The following PTPN13 variants were observed in gnomAD, a reference collection of about 807,000 sequenced individuals.
PTPN13 encodes tyrosine-protein phosphatase non-receptor type 13.
Under a neutral mutation model 284.0 loss-of-function variants are expected in PTPN13, and 191 were observed. The ratio of observed to expected loss-of-function variants is 0.67; its 90% CI spans 0.60 to 0.76. PTPN13 has a LOEUF of 0.76. Among genes scored for constraint, PTPN13 ranks in the 30% least tolerant of loss-of-function variants. PTPN13 has a pLI of 0.00. For missense variants in PTPN13, 2,797 were observed against 2,939.9 expected (o/e 0.95, Z 1.12); for synonymous variants, 986 against 1,022.3 (o/e 0.96, Z 0.68).
intron 7 of PTPN13, among the ~76,000 whole-genome samples, chr4:86,711,098 C>CTTTTTTTTTTTTTTTTTTTTTTTTTTTT (rs58186398): frequency 1.0e-5 from 1 of 97,108 alleles, no homozygotes; most frequent in Non-Finnish European, 2.0e-5. Context: ...TAATTATTGC[C>CTTTTTTTTTTTTTTTTTTTTTTTTTTTT]TTTTTTTTTT....
Position 86,758,254 on chromosome 4 carries a change from C to T in PTPN13, c.3224-6C>T. ...TATTTATTTTTAAATTATAAATTCC[C>T]AATAGATGTGCTACACAAAAGATGG... is the stretch of plus-strand genomic sequence containing the variant. On this transcript the variant is annotated splice_polypyrimidine_tract_variant and splice_region_variant and intron_variant, in intron 20 of 47. Transcript: ENST00000411767. 6.3e-7 allele frequency: 1 copy of T among 1,582,986 alleles called. No individual in the cohort carries two copies. The highest frequency in any genetic ancestry group is 8.6e-7 in the Non-Finnish European group (1 of 1,156,548).
chr4:86,607,148 T>A (rs1249385919), intron 1 of PTPN13, among the ~76,000 whole-genome samples: 1 of 151,884 alleles, frequency 6.6e-6, no homozygotes, highest in African/African-American at 2.4e-5. Flanking sequence ...AAACTGTTAA[T>A]CTTTTTTTTA....
Position 86,689,208 on chromosome 4 carries a change from T to C in PTPN13, c.546+18T>C. On this transcript the variant is annotated intron_variant, in intron 5 of 47. Coordinates refer to ENST00000411767, the MANE Select transcript of PTPN13 (RefSeq NM_080683.3). Reference sequence around the variant, plus strand: ...TTTCTGGGGTAAGCTACAGTTACAATAGTAAATATAGTCATATTTTAAAAT... The same window carrying C: ...TTTCTGGGGTAAGCTACAGTTACAACAGTAAATATAGTCATATTTTAAAAT... The C allele has an allele frequency of 6.3e-7, 1 of 1,589,572 alleles. No individual in the cohort carries two copies. The highest frequency in any genetic ancestry group is 2.2e-5 in the East Asian group (1 of 44,668).
In PTPN13 at chr4:86,634,237, T is replaced by C. The variant is rs193043565; in HGVS notation, c.-5-1015T>C. Reference sequence around the variant, plus strand: ...TTGGCTTCTTTTCCAAATCTGCTTCTCCCTTACAGTAGAAATATACTATAT... The same window carrying C: ...TTGGCTTCTTTTCCAAATCTGCTTCCCCCTTACAGTAGAAATATACTATAT... On this transcript the variant is annotated intron_variant, in intron 1 of 47. Coordinates refer to ENST00000411767, the MANE Select transcript of PTPN13 (RefSeq NM_080683.3). Among the ~76,000 whole-genome samples the C allele has an allele frequency of 6.1e-4, 93 of 152,282 alleles. 1 individual carries two copies. Among genetic ancestry groups the C allele is most frequent in the African/African-American group, 2.1e-3 (88 of 41,574 alleles).
chr4:86,611,052 T>A (rs74366694), intron 1 of PTPN13, among the ~76,000 whole-genome samples: 7,072 of 152,304 alleles, frequency 0.046, 222 homozygotes, highest in African/African-American at 0.06. Context: ...TAGAAAAATT[T>A]TATTCTGATC....
chr4:86,781,788 C>A (rs1741329304), intron 36 of PTPN13, among the ~76,000 whole-genome samples: 2 of 152,040 alleles, frequency 1.3e-5, no homozygotes, highest in Non-Finnish European at 2.9e-5. Flanking sequence ...CATGGTGAAA[C>A]CCCGTCTCTA....
chr4:86,657,348 C>T (rs1018030697), intron 2 of PTPN13, among the ~76,000 whole-genome samples: 5 of 152,176 alleles, frequency 3.3e-5, no homozygotes, highest in Admixed American at 1.3e-4. Context: ...TGTTCCTATT[C>T]GGCCATCTTG....
chr4:86,612,115 A>G (rs1425221643), intron 1 of PTPN13, among the ~76,000 whole-genome samples: 2 of 152,180 alleles, frequency 1.3e-5, no homozygotes, highest in African/African-American at 2.4e-5. Flanking sequence ...AAGACCTGAA[A>G]AGATCAAACT....
At chr4:86,662,848 A>G (rs971613611) in intron 2 of PTPN13, among the ~76,000 whole-genome samples, 7 of 152,176 alleles carry the variant, frequency 4.6e-5, no homozygotes, top group Non-Finnish European at 8.8e-5. Flanking sequence ...TGCTCACCTC[A>G]TACGTTATGG....
At chr4:86,744,088 A>C (rs1019619738) in intron 16 of PTPN13, among the ~76,000 whole-genome samples, 5 of 152,186 alleles carry the variant, frequency 3.3e-5, no homozygotes, top group Admixed American at 6.5e-5. Context: ...AACTGATTTG[A>C]TGATTCTCCT....
rs559723165 is a variant in PTPN13, at chr4:86,670,937, A to G, written c.116-1428A>G. Reference sequence around the variant, plus strand: ...AATGATTCATTGAAATGTATTTGGCAATAACAATTGTGAGCCAAGTTTCAG... The same window carrying G: ...AATGATTCATTGAAATGTATTTGGCGATAACAATTGTGAGCCAAGTTTCAG... On this transcript the variant is annotated intron_variant, in intron 2 of 47. Coordinates refer to ENST00000411767, the MANE Select transcript of PTPN13 (RefSeq NM_080683.3). Among the ~76,000 whole-genome samples, 399 of 152,320 alleles carry G rather than the reference A, an allele frequency of 2.6e-3. 2 individuals are homozygous for G. The highest frequency in any genetic ancestry group is 9.1e-3 in the African/African-American group (379 of 41,576).
rs4693149 is a variant in PTPN13 at position 86,664,702 on chromosome 4, G to A, written c.116-7663G>A. 9.8e-3 allele frequency among the ~76,000 whole-genome samples: 1,491 copies of A among 152,212 alleles called. 62 individuals carry two copies. The highest frequency in any genetic ancestry group is 0.069 in the Admixed American group (1,059 of 15,276). On this transcript the variant is annotated intron_variant, in intron 2 of 47. Coordinates refer to ENST00000411767, the MANE Select transcript of PTPN13 (RefSeq NM_080683.3). ...GAGATACAGTTTTTATTGATGGTAA[G>A]CATAAAGCAGTTGGTGGAAAAGGTG...
intron 1 of PTPN13, among the ~76,000 whole-genome samples, chr4:86,628,571 A>G (rs1722098143): frequency 1.5e-5 from 2 of 137,646 alleles, no homozygotes; most frequent in African/African-American, 5.5e-5. Flanking sequence ...TTACATATGT[A>G]TACATGTGCC....
rs530778516 is a variant in PTPN13 at position 86,691,347 on chromosome 4, T to C, written c.546+2157T>C. Reference sequence around the variant, plus strand: ...GCTGTGAAATGGGAAAGCAGGAATGTTTGGGGAACAGTATGACATGGGGTG... The same window carrying C: ...GCTGTGAAATGGGAAAGCAGGAATGCTTGGGGAACAGTATGACATGGGGTG... On this transcript the variant is annotated intron_variant, in intron 5 of 47. Transcript: ENST00000411767. Among the ~76,000 whole-genome samples, 6 of 152,096 alleles carry C rather than the reference T, an allele frequency of 3.9e-5. No homozygotes were observed. The South Asian group carries it at 1.2e-3, about 32-fold the overall frequency.
At chr4:86,804,979 T>A (rs1052289115) in intron 43 of PTPN13, among the ~76,000 whole-genome samples, 1 of 152,246 alleles carries the variant, frequency 6.6e-6, no homozygotes, top group Non-Finnish European at 1.5e-5. Context: ...GAGTTGGGTT[T>A]TTTTAATTGT....
intron 6 of PTPN13, among the ~76,000 whole-genome samples, chr4:86,694,355 C>T (rs555799335): frequency 4.0e-5 from 6 of 151,434 alleles, no homozygotes; most frequent in East Asian, 1.9e-4. Context: ...CTGAGGTGGG[C>T]GGATCACCTG....
At chr4:86,680,558 G>A (rs1027901576) in intron 3 of PTPN13, among the ~76,000 whole-genome samples, 7 of 151,870 alleles carry the variant, frequency 4.6e-5, no homozygotes, top group Non-Finnish European at 1.0e-4. Context: ...CTCTTCTCTC[G>A]GACTTTTGTC....
chr4:86,708,462 G>A (rs901002564), intron 7 of PTPN13, among the ~76,000 whole-genome samples: 1 of 152,090 alleles, frequency 6.6e-6, no homozygotes, highest in Non-Finnish European at 1.5e-5. Flanking sequence ...AGACTTTCCA[G>A]TGTCTGTACT....
chr4:86,736,275 G>C (rs1334768663), intron 15 of PTPN13, among the ~76,000 whole-genome samples: 3 of 152,126 alleles, frequency 2.0e-5, no homozygotes, highest in African/African-American at 4.8e-5. Context: ...CCTATAACCA[G>C]CTTTCTATAT....
Sources: allele counts gnomAD v4.1 joint callset (sites outside exome capture counted in the v4.1 genomes callset), GRCh38; gene constraint gnomAD v4.1.1; transcripts MANE v1.5; gene names NCBI Gene and HGNC (gene_info 2026-07-23, HGNC 2026-07-21).